The following ATP2B3 variants were observed in gnomAD, a reference collection of about 807,000 sequenced individuals.
ATP2B3 encodes the protein ATPase plasma membrane Ca2+ transporting 3.
Under a neutral mutation model 70.8 loss-of-function variants are expected in ATP2B3, and 12 were observed. The observed-to-expected ratio is 0.17, with a 90% CI of 0.11 to 0.27. The LOEUF (loss-of-function observed/expected upper bound fraction) is 0.27, where lower values mean the gene tolerates loss of function less well. Ranked by LOEUF, ATP2B3 falls within the 10% of genes least tolerant of loss-of-function variation. ATP2B3 has a pLI of 1.00. For synonymous variants in ATP2B3, 460 were observed against 497.8 expected (o/e 0.92, Z 1.01); for missense variants, 858 against 1,118.5 (o/e 0.77, Z 3.32).
At chrX:153,567,782 C>T (rs782737643) in intron 21 of ATP2B3, among the ~76,000 whole-genome samples, 34 of 112,117 alleles carry the variant, frequency 3.0e-4, no homozygotes, top group African/African-American at 7.8e-4. Flanking sequence ...TGGCACCAGC[C>T]GATCCGACTC....
intron 21 of ATP2B3, among the ~76,000 whole-genome samples, chrX:153,566,284 C>T (rs1186845409): frequency 2.7e-5 from 3 of 112,737 alleles, no homozygotes; most frequent in Admixed American, 9.3e-5. Context: ...ACTGACCCTC[C>T]TCCCTGAGGT....
intron 21 of ATP2B3, chrX:153,574,607 C>T (rs2090831958): frequency 8.0e-6 from 2 of 250,040 alleles, no homozygotes; most frequent in South Asian, 3.9e-5. Context: ...TCTGTCGTTT[C>T]GTTGTCACTG....
chrX:153,543,136 G>A lies in ATP2B3; in HGVS notation c.884G>A (p.Gly295Asp). The part of the protein sequence containing the change: ...TGIIFTLLGA[G>D]GEEEEKKDKK... ...ATCATCTTCACGCTGCTTGGAGCTGGCGGAGAGGAGGAAGAGAAGAAAGAT... is the reference window on the plus strand; with the variant it reads ...ATCATCTTCACGCTGCTTGGAGCTGACGGAGAGGAGGAAGAGAAGAAAGAT... Residue 295 changes from glycine to aspartate, a missense_variant, in exon 7 of 22, where the codon GGC becomes GAC. This residue lies in a region of ATP2B3 where 278 missense variants were observed against 366.2 expected (regional missense o/e 0.76). Coordinates refer to ENST00000263519, the MANE Select transcript of ATP2B3 (RefSeq NM_001001344.3). 1.4e-5 allele frequency: 17 copies of A among 1,211,491 alleles called. No homozygotes were observed. Among genetic ancestry groups the A allele is most frequent in the Non-Finnish European group, 1.8e-5 (16 of 895,360 alleles).
Position 153,581,120 on chromosome X carries a change from A to C in ATP2B3, c.*822A>C, listed in dbSNP as rs1322466016. On this transcript the variant is annotated 3_prime_UTR_variant, in exon 22 of 22. Coordinates refer to ENST00000263519, the MANE Select transcript of ATP2B3 (RefSeq NM_001001344.3). ...TTTTTCAGGGAACTAGACTGCAAGA[A>C]TATCTTTCTGGTCAACCCATTTTTG... The C allele has an allele frequency of 9.1e-6, 1 of 109,437 alleles. No homozygotes were observed. Among genetic ancestry groups the C allele is most frequent in the African/African-American group, 3.3e-5 (1 of 29,862 alleles). 9.0% of individuals were successfully genotyped at this position (109,437 alleles called of 1,213,427 possible). A position where few individuals can be genotyped will look rare whatever the true frequency, so the allele number is the denominator to read the frequency against.
At chrX:153,520,273 T>C (rs2089940162) in intron 2 of ATP2B3, among the ~76,000 whole-genome samples, 1 of 112,693 alleles carries the variant, frequency 8.9e-6, no homozygotes, top group Non-Finnish European at 1.9e-5. Context: ...GCGCCTTGCC[T>C]GCCCGGTAGA....
rs782260768 is a variant in ATP2B3, at chrX:153,528,007, G to C, written c.-126-8115G>C. On this transcript the variant is annotated intron_variant, in intron 2 of 21. Coordinates refer to ENST00000263519, the MANE Select transcript of ATP2B3 (RefSeq NM_001001344.3). ...GGAGCCCTGCCTTCTCACCAACCCA[G>C]CAAAAAGGAACGAGGACCATTTCGC... is the stretch of plus-strand genomic sequence containing the variant. Among the ~76,000 whole-genome samples the C allele has an allele frequency of 2.7e-5, 3 of 112,947 alleles. No individual in the cohort carries two copies. In the South Asian group the frequency reaches 1.1e-3, roughly 41 times the overall value.
At chrX:153,526,077 G>T (rs1177754886) in intron 2 of ATP2B3, among the ~76,000 whole-genome samples, 2 of 112,693 alleles carry the variant, frequency 1.8e-5, no homozygotes, top group African/African-American at 6.5e-5. Flanking sequence ...CGTGGGAGGG[G>T]GTATCTGAGA....
At position 153,560,828 on chromosome X, in the gene ATP2B3, G is replaced by A. The variant is rs781787078; in HGVS notation, c.2992G>A (p.Asp998Asn). ...RKIHGERNVF[D>N]GIFSNPIFCT... ...GATCCACGGCGAGAGGAACGTGTTC[G>A]ACGGCATCTTCAGCAACCCCATCTT... The change falls in exon 19 of 22, where the codon GAC (aspartate) becomes AAC (asparagine). Residue 998 changes from aspartate to asparagine, a missense_variant. Physicochemically the swap from Asp to Asn is conservative, Grantham distance 23. Transcript: ENST00000263519. The A allele has an allele frequency of 2.8e-5, 34 of 1,210,367 alleles. No individual in the cohort carries two copies. The East Asian group carries it at 3.8e-4, about 14-fold the overall frequency.
intron 21 of ATP2B3, among the ~76,000 whole-genome samples, chrX:153,566,444 A>G (rs1289746981): frequency 8.9e-6 from 1 of 112,269 alleles, no homozygotes; most frequent in African/African-American, 3.2e-5. Context: ...TGTCCCAAAG[A>G]ATCATCCATG....
At chrX:153,561,911 G>A (rs1453758668) in intron 19 of ATP2B3, among the ~76,000 whole-genome samples, 1 of 112,682 alleles carries the variant, frequency 8.9e-6, no homozygotes, top group African/African-American at 3.2e-5. Flanking sequence ...CAGTGGAGCT[G>A]GGCCCCACTC....
Position 153,580,070 on chromosome X carries a change from C to T in ATP2B3, c.3435C>T (p.Pro1145=). 2.5e-6 allele frequency: 3 copies of T among 1,212,086 alleles called. No homozygotes were observed. Among genetic ancestry groups the T allele is most frequent in the Middle Eastern group, 2.3e-4 (1 of 4,353 alleles). Residue 1145 remains proline (P), a synonymous_variant, in exon 22 of 22, where the codon CCC becomes CCT. Coordinates refer to ENST00000263519, the MANE Select transcript of ATP2B3 (RefSeq NM_001001344.3). The part of the protein sequence containing the change: ...KTSIHNFMAT[P]EFLINDYTHN... ...CCATTCACAACTTCATGGCCACGCC[C>T]GAGTTTCTGATCAATGACTACACCC...
chrX:153,562,011 C>T (rs963479011), intron 19 of ATP2B3, 124 bp from the exon 20 acceptor site: 36 of 611,281 alleles, frequency 5.9e-5, no homozygotes, highest in Non-Finnish European at 8.3e-5. Flanking sequence ...GTGGTCCTCT[C>T]GCAAGGAGCA....
chrX:153,520,641 A>C (rs782705222), intron 2 of ATP2B3, among the ~76,000 whole-genome samples: 3 of 112,829 alleles, frequency 2.7e-5, no homozygotes, highest in Non-Finnish European at 5.6e-5. Context: ...CCCATTTTGC[A>C]TTGCGGCTGA....
intron 2 of ATP2B3, among the ~76,000 whole-genome samples, chrX:153,530,488 G>A (rs2090098570): frequency 8.9e-6 from 1 of 112,774 alleles, no homozygotes; most frequent in South Asian, 3.6e-4. Flanking sequence ...CCACCTCCAG[G>A]GTGTTTCTGT....
intron 21 of ATP2B3, among the ~76,000 whole-genome samples, chrX:153,567,194 A>G (rs1220492571): frequency 1.8e-5 from 2 of 113,429 alleles, no homozygotes; most frequent in Non-Finnish European, 3.7e-5. Context: ...TACTGCCTCA[A>G]GCACAATGCT....
Position 153,541,524 on chromosome X carries a change from C to T in ATP2B3, c.374C>T (p.Ser125Leu). 8.3e-7 allele frequency: 1 copy of T among 1,211,413 alleles called. No homozygotes were observed. The highest frequency in any genetic ancestry group is 1.1e-6 in the Non-Finnish European group (1 of 895,454). The change falls in exon 4 of 22, where the codon TCG becomes TTG. Residue 125 changes from serine (S) to leucine (L), a missense_variant. Transcript: ENST00000263519. Reference sequence around the variant, plus strand: ...GCTGCCATCGTCTCTCTGGGCCTCTCGTTCTATGCGCCGCCAGGAGAGGAG... The same window carrying T: ...GCTGCCATCGTCTCTCTGGGCCTCTTGTTCTATGCGCCGCCAGGAGAGGAG... ...EVAAIVSLGL[S>L]FYAPPGEESE...
intron 7 of ATP2B3, among the ~76,000 whole-genome samples, chrX:153,545,649 C>G (rs1461500664): frequency 8.9e-6 from 1 of 112,624 alleles, no homozygotes; most frequent in South Asian, 3.6e-4. Context: ...AACTGCTGGA[C>G]GTGACTGCAG....
intron 13 of ATP2B3, among the ~76,000 whole-genome samples, chrX:153,555,238 G>C (rs868966562): frequency 9.0e-5 from 10 of 110,798 alleles, no homozygotes; most frequent in African/African-American, 2.6e-4. Context: ...GCCTCAGGGG[G>C]CGCCAGGATT....
Position 153,560,760 on chromosome X carries a change from C to T in ATP2B3, c.2924C>T (p.Thr975Met), listed in dbSNP as rs2124495822. ...GAGCACTACACCATCATCTTCAACACGTTCGTCATGATGCAGCTCTTTAAC... is the reference window on the plus strand; with the variant it reads ...GAGCACTACACCATCATCTTCAACATGTTCGTCATGATGCAGCTCTTTAAC... ...PSEHYTIIFN[T>M]FVMMQLFNEI... Residue 975 changes from threonine (T) to methionine (M), a missense_variant, in exon 19 of 22, where the codon ACG becomes ATG. Transcript: ENST00000263519. 2 of 1,212,151 alleles carry T rather than the reference C, an allele frequency of 1.6e-6. No homozygotes were observed. The highest frequency in any genetic ancestry group is 2.3e-4 in the Middle Eastern group (1 of 4,356).
Sources: allele counts gnomAD v4.1 joint callset (sites outside exome capture counted in the v4.1 genomes callset), GRCh38; gene constraint gnomAD v4.1.1; regional missense constraint gnomAD v4.1.1; transcripts MANE v1.5; gene names NCBI Gene and HGNC (gene_info 2026-07-23, HGNC 2026-07-21).